The following TET2 variants were observed in gnomAD, a reference collection of about 807,000 sequenced individuals.
The protein encoded by TET2 is methylcytosine dioxygenase TET2.
Under a neutral mutation model 142.9 loss-of-function variants are expected in TET2, and 299 were observed. The observed-to-expected ratio is 2.09, with a 90% confidence interval of 1.90 to 2.30. TET2 has a LOEUF of 2.30. Ranked by LOEUF, TET2 falls within the 30% of genes most tolerant of loss-of-function variation. The pLI is 0.00. For missense variants in TET2, 2,418 were observed against 2,378.0 expected (o/e 1.02, Z -0.35); for synonymous variants, 819 against 849.0 (o/e 0.96, Z 0.61).
chr4:105,257,070 A>G (rs1287347334), intron 6 of TET2, among the ~76,000 whole-genome samples: 1 of 152,172 alleles, frequency 6.6e-6, no homozygotes, highest in Non-Finnish European at 1.5e-5. Context: ...TTTTTCAGGA[A>G]TAGCCTCTAT....
At chr4:105,182,627 T>A (rs1367217982) in intron 1 of TET2, among the ~76,000 whole-genome samples, 1 of 152,222 alleles carries the variant, frequency 6.6e-6, no homozygotes, top group East Asian at 1.9e-4. Flanking sequence ...AAAAAAGTAT[T>A]TTTTATTTGC....
chr4:105,205,689 T>A (rs1726775284), intron 2 of TET2, among the ~76,000 whole-genome samples: 1 of 152,166 alleles, frequency 6.6e-6, no homozygotes, highest in Non-Finnish European at 1.5e-5. Context: ...TGGAGTGCAA[T>A]GGCAGGATCT....
chr4:105,255,886 C>T (rs1158090592), intron 6 of TET2, among the ~76,000 whole-genome samples: 1 of 148,162 alleles, frequency 6.7e-6, no homozygotes. Flanking sequence ...TTCTAGTGTA[C>T]TGTTTTAATT....
intron 4 of TET2, chr4:105,242,628 CTG>C: frequency 2.3e-6 from 3 of 1,319,274 alleles, no homozygotes. Flanking sequence ...TTACAATTAT[CTG>C]TACATTTTGA....
chr4:105,242,805 G>A lies in TET2; in HGVS notation c.3501-29G>A, dbSNP rs1369760451. On this transcript the variant is annotated intron_variant, in intron 4 of 10. Coordinates refer to ENST00000380013, the MANE Select transcript of TET2 (RefSeq NM_001127208.3). ...TCTTGAATTCATTTGCTAATTGTAT[G>A]TGTGTGTGTTTCTGTGGGTTTCTTT... 3.2e-6 allele frequency: 5 copies of A among 1,541,958 alleles called. No homozygotes were observed. In the Admixed American group the frequency reaches 6.2e-5, roughly 19 times the overall value.
intron 1 of TET2, among the ~76,000 whole-genome samples, chr4:105,165,459 G>A (rs1300349254): frequency 2.6e-5 from 4 of 152,178 alleles, no homozygotes; most frequent in African/African-American, 9.7e-5. Flanking sequence ...ACATGGCAGT[G>A]TCATGAAATT....
At position 105,278,758 on chromosome 4, in the gene TET2, T is replaced by G. The variant is rs1267716942; in HGVS notation, c.*2239T>G. On this transcript the variant is annotated 3_prime_UTR_variant, in exon 11 of 11. Coordinates refer to ENST00000380013, the MANE Select transcript of TET2 (RefSeq NM_001127208.3). ...AAAATTACATGAAAATAGAATGCAC[T>G]GAGTTGATAAAGGGAAAAATTGTAA... is the stretch of plus-strand genomic sequence containing the variant. 4.3e-6 allele frequency: 1 copy of G among 232,918 alleles called. No individual in the cohort carries two copies. Among genetic ancestry groups the G allele is most frequent in the Non-Finnish European group, 8.5e-6 (1 of 117,934 alleles). 14.4% of individuals were successfully genotyped at this position (232,918 alleles called of 1,614,324 possible).
At chr4:105,202,145 A>C (rs1381338151) in intron 2 of TET2, among the ~76,000 whole-genome samples, 5 of 152,136 alleles carry the variant, frequency 3.3e-5, no homozygotes, top group Non-Finnish European at 5.9e-5. Context: ...TCTTCTTCCT[A>C]ATCCTTGACA....
At chr4:105,213,406 T>TA (rs1727288764) in intron 2 of TET2, among the ~76,000 whole-genome samples, 1 of 152,182 alleles carries the variant, frequency 6.6e-6, no homozygotes, top group African/African-American at 2.4e-5. Context: ...GTTTGAAACT[T>TA]ACAGGATTAT....
intron 1 of TET2, among the ~76,000 whole-genome samples, chr4:105,163,840 A>T (rs1723992514): frequency 8.5e-6 from 1 of 117,386 alleles, no homozygotes; most frequent in Admixed American, 8.4e-5. Flanking sequence ...AGAGAGAGAG[A>T]GAGAGAGAGA....
chr4:105,258,399 A>G (rs547672375), intron 6 of TET2, among the ~76,000 whole-genome samples: 2 of 152,292 alleles, frequency 1.3e-5, no homozygotes, highest in East Asian at 3.9e-4. Context: ...ACCATTTAAT[A>G]TAGTTTGTAA....
rs894237369 is a variant in TET2, at chr4:105,278,182, A to C, written c.*1663A>C. On this transcript the variant is annotated 3_prime_UTR_variant, in exon 11 of 11. Coordinates refer to ENST00000380013, the MANE Select transcript of TET2 (RefSeq NM_001127208.3). ...AAATTAAATATATACATATATATAT[A>C]TATATATATATATATATATATGAGT... The C allele has an allele frequency of 1.9e-5, 3 of 155,498 alleles. No individual in the cohort carries two copies. Among genetic ancestry groups the C allele is most frequent in the African/African-American group, 8.0e-5 (3 of 37,470 alleles). The allele number at this position is 155,498 out of a possible 1,614,324, so 9.6% of individuals were successfully genotyped here.
At chr4:105,163,841 GAGAGAGAGAGAGA>G (rs1723994171) in intron 1 of TET2, among the ~76,000 whole-genome samples, 3 of 139,634 alleles carry the variant, frequency 2.1e-5, no homozygotes, top group Non-Finnish European at 3.2e-5. Flanking sequence ...GAGAGAGAGA[GAGAGAGAGAGAGA>G]GTGTGTGTGT....
chr4:105,276,039 C>T lies in TET2; in HGVS notation c.5529C>T (p.Asn1843=), dbSNP rs563673467. Residue 1843 remains asparagine (N), a synonymous_variant, in exon 11 of 11, where the codon AAC becomes AAT. Transcript: ENST00000380013. ...VQGVASGAED[N]DEVWSDSEQS... is the part of the protein sequence containing the mutation. ...GTGTGGCTTCTGGTGCAGAGGACAACGATGAGGTCTGGTCAGACAGCGAGC... is the reference window on the plus strand; with the variant it reads ...GTGTGGCTTCTGGTGCAGAGGACAATGATGAGGTCTGGTCAGACAGCGAGC... 65 of 1,551,692 alleles carry T rather than the reference C, an allele frequency of 4.2e-5. No individual in the cohort carries two copies. Among genetic ancestry groups the T allele is most frequent in the Middle Eastern group, 3.3e-4 (2 of 5,992 alleles).
Position 105,276,400 on chromosome 4 carries a change from T to A in TET2, c.5890T>A (p.Tyr1964Asn). Residue 1964 changes from tyrosine to asparagine, a missense_variant, in exon 11 of 11, where the codon TAC (tyrosine) becomes AAC (asparagine). Physicochemically the swap from Tyr to Asn is moderately radical, Grantham distance 143 (BLOSUM62 -2). Transcript: ENST00000380013. ...AEPHETSEPT[Y>N]LRFIKSLAER... ...GCCACATGAAACTTCAGAGCCCACT[T>A]ACCTGCGTTTCATCAAGTCTCTTGC... 6.4e-7 allele frequency: 1 copy of A among 1,551,962 alleles called. No individual in the cohort carries two copies. The highest frequency in any genetic ancestry group is 8.7e-7 in the Non-Finnish European group (1 of 1,147,044).
chr4:105,177,186 C>T (rs1395799937), intron 1 of TET2, among the ~76,000 whole-genome samples: 1 of 152,110 alleles, frequency 6.6e-6, no homozygotes, highest in East Asian at 1.9e-4. Context: ...CAGAAGATAA[C>T]ACAGGAAAAA....
At chr4:105,169,830 A>AT (rs1352327707) in intron 1 of TET2, among the ~76,000 whole-genome samples, 3 of 152,134 alleles carry the variant, frequency 2.0e-5, no homozygotes, top group Non-Finnish European at 4.4e-5. Context: ...CATTTGTTGA[A>AT]TAGGGTGTCC....
chr4:105,189,282 G>A (rs1725646000), intron 1 of TET2, among the ~76,000 whole-genome samples: 1 of 151,926 alleles, frequency 6.6e-6, no homozygotes, highest in Non-Finnish European at 1.5e-5. Flanking sequence ...ATAGTGTCTG[G>A]CATTTACCAA....
rs773395186 is a variant in TET2 at position 105,234,788 on chromosome 4, T to C, written c.846T>C (p.Ser282=). The change falls in exon 3 of 11, where the codon TCT becomes TCC. Residue 282 remains serine, a synonymous_variant. Transcript: ENST00000380013. The stretch of plus-strand genomic sequence containing the variant: ...TCAATTCCGCACAGACCTCTAACTC[T>C]GAGCTGCCTCCAAAGCCAGCTGCAG... ...GQINSAQTSN[S]ELPPKPAAVV... 8 of 1,613,916 alleles carry C rather than the reference T, an allele frequency of 5.0e-6. No individual in the cohort carries two copies. The South Asian group carries it at 5.5e-5, about 11-fold the overall frequency.
Sources: gnomAD v4.1 joint callset for allele counts (sites outside exome capture counted in the v4.1 genomes callset) on GRCh38, gnomAD v4.1.1 for gene constraint, MANE v1.5 for transcripts, NCBI Gene and HGNC (gene_info 2026-07-23, HGNC 2026-07-21) for gene names.